Variants in ADGRL3 observed in about 807,000 individuals in gnomAD.
ADGRL3 encodes adhesion G protein-coupled receptor L3.
ADGRL3 carries 62 observed loss-of-function variants against 153.5 expected under a neutral mutation model. The ratio of observed to expected loss-of-function variants is 0.40; its 90% CI spans 0.33 to 0.50. The LOEUF is 0.50. Ranked by LOEUF, ADGRL3 falls within the 20% of genes least tolerant of loss-of-function variation. ADGRL3 has a pLI of 0.47. For synonymous variants in ADGRL3, 710 were observed against 672.5 expected (o/e 1.06, Z -0.86); for missense variants, 1,641 against 1,859.4 (o/e 0.88, Z 2.16).
chr4:61,647,726 C>T (rs568641155), intron 5 of ADGRL3, among the ~76,000 whole-genome samples: 1 of 152,138 alleles, frequency 6.6e-6, no homozygotes, highest in Admixed American at 6.5e-5. Context: ...TAACAATAGA[C>T]TTTTCACACT....
At chr4:61,294,899 A>T (rs201331475) in intron 1 of ADGRL3, among the ~76,000 whole-genome samples, 5 of 19,610 alleles carry the variant, frequency 2.5e-4, no homozygotes, top group Non-Finnish European at 1.3e-4. Context: ...ACACACACAC[A>T]CACTCACACA....
chr4:61,848,104 T>C (rs1338201412), intron 9 of ADGRL3, among the ~76,000 whole-genome samples: 5 of 105,562 alleles, frequency 4.7e-5, no homozygotes, highest in African/African-American at 1.5e-4. Context: ...AAATATATTA[T>C]ATAATATATA....
chr4:61,267,374 C>T (rs1479307149), intron 1 of ADGRL3, among the ~76,000 whole-genome samples: 1 of 151,616 alleles, frequency 6.6e-6, no homozygotes, highest in East Asian at 1.9e-4. Flanking sequence ...TACCTGTAAC[C>T]CTACTGTACC....
At chr4:61,232,188 T>G (rs1271144881) in intron 1 of ADGRL3, among the ~76,000 whole-genome samples, 1 of 152,132 alleles carries the variant, frequency 6.6e-6, no homozygotes, top group African/African-American at 2.4e-5. Context: ...ATTTTTAAGC[T>G]TATATTTTTT....
At chr4:61,562,592 C>T (rs917099444) in intron 4 of ADGRL3, among the ~76,000 whole-genome samples, 1 of 152,084 alleles carries the variant, frequency 6.6e-6, no homozygotes, top group African/African-American at 2.4e-5. Context: ...AACTACTTTG[C>T]TCATCCCCAA....
chr4:61,994,470 G>T (rs1222878586), intron 19 of ADGRL3, among the ~76,000 whole-genome samples: 1 of 151,874 alleles, frequency 6.6e-6, no homozygotes, highest in Non-Finnish European at 1.5e-5. Flanking sequence ...GTTTTAAAAT[G>T]GGCTTTTTGT....
At chr4:61,371,288 T>G (rs1310045930) in intron 1 of ADGRL3, among the ~76,000 whole-genome samples, 234 of 151,202 alleles carry the variant, frequency 1.5e-3, no homozygotes, top group African/African-American at 5.1e-3. Context: ...GTTAGCTGGT[T>G]ATTTTGCTCG....
At chr4:61,217,760 A>T (rs1406170638) in intron 1 of ADGRL3, among the ~76,000 whole-genome samples, 1 of 152,148 alleles carries the variant, frequency 6.6e-6, no homozygotes, top group East Asian at 1.9e-4. Flanking sequence ...TTTACTCCAG[A>T]AGGTTGGTTC....
intron 17 of ADGRL3, among the ~76,000 whole-genome samples, chr4:61,970,896 A>T (rs1339242388): frequency 6.6e-6 from 1 of 152,096 alleles, no homozygotes; most frequent in Non-Finnish European, 1.5e-5. Context: ...CCTGGTTCTC[A>T]AGAGTTAGAT....
At chr4:61,888,815 T>C (rs370454200) in intron 9 of ADGRL3, among the ~76,000 whole-genome samples, 32 of 152,214 alleles carry the variant, frequency 2.1e-4, no homozygotes, top group African/African-American at 7.7e-4. Flanking sequence ...TACCGTATCA[T>C]TGTTATTGCT....
At chr4:61,589,645 T>A (rs2098961370) in intron 5 of ADGRL3, among the ~76,000 whole-genome samples, 1 of 152,070 alleles carries the variant, frequency 6.6e-6, no homozygotes, top group Non-Finnish European at 1.5e-5. Context: ...TTATGAAGGA[T>A]TATTACTCAG....
At chr4:61,212,125 A>T (rs963850639) in intron 1 of ADGRL3, 4 of 152,204 alleles carry the variant, frequency 2.6e-5, no homozygotes, top group African/African-American at 9.7e-5. Context: ...ATTGTTCTAA[A>T]ACCAGAAGTG....
intron 9 of ADGRL3, among the ~76,000 whole-genome samples, chr4:61,843,690 A>G (rs1430897276): frequency 1.3e-5 from 2 of 152,196 alleles, no homozygotes; most frequent in Non-Finnish European, 2.9e-5. Flanking sequence ...ACCTAATCCT[A>G]TTATAATTTG....
intron 3 of ADGRL3, among the ~76,000 whole-genome samples, chr4:61,506,364 C>T (rs1365250551): frequency 6.6e-6 from 1 of 152,072 alleles, no homozygotes; most frequent in Non-Finnish European, 1.5e-5. Flanking sequence ...CACTTACATT[C>T]CACAGTTCTT....
chr4:61,279,793 C>T (rs1048829058), intron 1 of ADGRL3, among the ~76,000 whole-genome samples: 8 of 152,036 alleles, frequency 5.3e-5, no homozygotes, highest in South Asian at 2.1e-4. Context: ...CACTTGGATT[C>T]AGGAAATTGA....
At chr4:61,527,477 CATAT>C (rs1484045973) in intron 4 of ADGRL3, among the ~76,000 whole-genome samples, 1 of 151,982 alleles carries the variant, frequency 6.6e-6, no homozygotes, top group Non-Finnish European at 1.5e-5. Context: ...CTTTAATTGA[CATAT>C]ATACACATAT....
chr4:61,746,722 A>G (rs998649181), intron 8 of ADGRL3, among the ~76,000 whole-genome samples: 1 of 152,256 alleles, frequency 6.6e-6, no homozygotes, highest in African/African-American at 2.4e-5. Flanking sequence ...GTAAAGGGAA[A>G]TTTATAGCAC....
At chr4:62,049,769 C>T (rs1275800415) in intron 25 of ADGRL3, among the ~76,000 whole-genome samples, 1 of 152,058 alleles carries the variant, frequency 6.6e-6, no homozygotes, top group African/African-American at 2.4e-5. Context: ...TTTAGTTTTG[C>T]ATTAATAGTT....
intron 6 of ADGRL3, among the ~76,000 whole-genome samples, chr4:61,700,494 A>T (rs1485688938): frequency 6.6e-6 from 1 of 152,186 alleles, no homozygotes; most frequent in African/African-American, 2.4e-5. Flanking sequence ...TTCAGGAAAG[A>T]ATAGATAGGT....
Sources: gnomAD v4.1 joint callset for allele counts (sites outside exome capture counted in the v4.1 genomes callset) on GRCh38, gnomAD v4.1.1 for gene constraint, MANE v1.5 for transcripts, NCBI Gene and HGNC (gene_info 2026-07-23, HGNC 2026-07-21) for gene names.